Variants in RBFOX1 observed in about 807,000 individuals in gnomAD.
The protein encoded by RBFOX1 is RNA binding fox-1 homolog 1.
A neutral mutation model predicts 57.7 loss-of-function variants in RBFOX1; 8 were observed. That is an observed-to-expected ratio of 0.14 (90% CI 0.08 to 0.25). RBFOX1 has a LOEUF of 0.25. Ranked by LOEUF, RBFOX1 falls within the 10% of genes least tolerant of loss-of-function variation. The pLI is 1.00. For synonymous variants in RBFOX1, 326 were observed against 222.4 expected, an observed-to-expected ratio of 1.47 and a Z score of -4.15; for missense variants, 611 against 548.5, an observed-to-expected ratio of 1.11 and a Z score of -1.14.
intron 2 of RBFOX1, 142 bp from the exon 3 acceptor site, chr16:6,654,461 C>G (rs1342102511): frequency 3.1e-6 from 2 of 638,284 alleles, no homozygotes; most frequent in East Asian, 3.1e-5. Context: ...CTATAAAGAG[C>G]AATGACTCGA....
intron 2 of RBFOX1, among the ~76,000 whole-genome samples, chr16:5,550,328 T>G (rs1206765496): frequency 6.6e-6 from 1 of 152,156 alleles, no homozygotes; most frequent in Admixed American, 6.5e-5. Flanking sequence ...CATGTTTCCC[T>G]GTCTTACCCA....
At chr16:6,351,370 A>ATTTTT (rs1446484402) in intron 2 of RBFOX1, among the ~76,000 whole-genome samples, 10 of 100,540 alleles carry the variant, frequency 9.9e-5, no homozygotes, top group Admixed American at 2.2e-4. Flanking sequence ...ATATATATAT[A>ATTTTT]TATTTTTTTT....
chr16:6,414,705 A>G (rs1452519307), intron 2 of RBFOX1, among the ~76,000 whole-genome samples: 1 of 152,212 alleles, frequency 6.6e-6, no homozygotes, highest in Admixed American at 6.5e-5. Context: ...CCGGCCCTGT[A>G]CATATAATAC....
At chr16:5,489,560 A>G (rs1364689119) in intron 2 of RBFOX1, among the ~76,000 whole-genome samples, 2 of 152,080 alleles carry the variant, frequency 1.3e-5, no homozygotes, top group African/African-American at 4.8e-5. Context: ...TAAAATGGGG[A>G]CAATGGTGTC....
At chr16:6,530,744 A>T (rs1306237207) in intron 2 of RBFOX1, among the ~76,000 whole-genome samples, 2 of 40,358 alleles carry the variant, frequency 5.0e-5, no homozygotes, top group Non-Finnish European at 4.2e-4. Flanking sequence ...CCCTTTTATA[A>T]ACCGTCCCTT....
intron 4 of RBFOX1, among the ~76,000 whole-genome samples, chr16:7,270,891 C>G (rs931126147): frequency 1.3e-5 from 2 of 152,150 alleles, no homozygotes; most frequent in African/African-American, 2.4e-5. Context: ...AAAATCCTTT[C>G]TGTCATGGAG....
chr16:6,062,408 A>G (rs1222280767), intron 1 of RBFOX1, among the ~76,000 whole-genome samples: 2 of 152,066 alleles, frequency 1.3e-5, no homozygotes, highest in East Asian at 3.9e-4. Context: ...GGTCCCAGCC[A>G]TCAGTCATCT....
intron 2 of RBFOX1, among the ~76,000 whole-genome samples, chr16:5,529,682 T>C (rs1180402585): frequency 6.6e-6 from 1 of 151,948 alleles, no homozygotes; most frequent in African/African-American, 2.4e-5. Flanking sequence ...TTCTCCTGCC[T>C]CACCATCCCG....
intron 1 of RBFOX1, among the ~76,000 whole-genome samples, chr16:6,277,150 T>A (rs902558809): frequency 6.6e-6 from 1 of 152,198 alleles, no homozygotes; most frequent in African/African-American, 2.4e-5. Flanking sequence ...TAATGACTTA[T>A]AAATTGCATT....
At chr16:7,359,971 G>A (rs113332424) in intron 4 of RBFOX1, among the ~76,000 whole-genome samples, 4,382 of 145,984 alleles carry the variant, frequency 0.03, 136 homozygotes, top group African/African-American at 0.081. Context: ...GTGACAGAGC[G>A]AGACTCTGTC....
chr16:6,160,755 A>G (rs544351680), intron 1 of RBFOX1, among the ~76,000 whole-genome samples: 1 of 152,242 alleles, frequency 6.6e-6, no homozygotes, highest in African/African-American at 2.4e-5. Flanking sequence ...TCGTTCCTCT[A>G]GGAGCCATCC....
chr16:6,842,519 C>T (rs1444260829), intron 3 of RBFOX1, among the ~76,000 whole-genome samples: 1 of 152,048 alleles, frequency 6.6e-6, no homozygotes, highest in South Asian at 2.1e-4. Flanking sequence ...TTTTATCCTG[C>T]CCTTTTCAGC....
chr16:7,533,033 C>G (rs2080518977), intron 5 of RBFOX1, among the ~76,000 whole-genome samples: 1 of 152,282 alleles, frequency 6.6e-6, no homozygotes, highest in South Asian at 2.1e-4. Context: ...AAAAATCTAA[C>G]AAAACATGGC....
intron 4 of RBFOX1, among the ~76,000 whole-genome samples, chr16:7,364,085 T>G (rs753026419): frequency 1.3e-5 from 2 of 152,206 alleles, no homozygotes; most frequent in Admixed American, 6.5e-5. Context: ...AAAGCTCACA[T>G]CTTTTCAAAG....
chr16:6,535,366 T>C (rs1465512994), intron 2 of RBFOX1, among the ~76,000 whole-genome samples: 1 of 152,148 alleles, frequency 6.6e-6, no homozygotes, highest in East Asian at 1.9e-4. Flanking sequence ...TGTGGGATAA[T>C]TGTCATGGAC....
chr16:6,556,103 C>T (rs574975141), intron 2 of RBFOX1, among the ~76,000 whole-genome samples: 1 of 152,146 alleles, frequency 6.6e-6, no homozygotes, highest in Admixed American at 6.5e-5. Context: ...TTCTATTCCT[C>T]CAGAACTCAG....
chr16:7,111,852 A>G (rs2064848094), intron 4 of RBFOX1, among the ~76,000 whole-genome samples: 1 of 151,874 alleles, frequency 6.6e-6, no homozygotes, highest in Non-Finnish European at 1.5e-5. Flanking sequence ...GCTAACATCC[A>G]CTTGTATAAA....
chr16:5,571,966 C>G (rs2046299063), intron 2 of RBFOX1, among the ~76,000 whole-genome samples: 1 of 152,174 alleles, frequency 6.6e-6, no homozygotes, highest in African/African-American at 2.4e-5. Context: ...AGATAATGGA[C>G]CTTTTCTTAT....
At chr16:5,830,239 C>G (rs766070858) in intron 3 of RBFOX1, among the ~76,000 whole-genome samples, 2 of 152,120 alleles carry the variant, frequency 1.3e-5, no homozygotes. Flanking sequence ...AAAACCCTCC[C>G]TATCTAGTTG....
Sources: allele counts gnomAD v4.1 joint callset (sites outside exome capture counted in the v4.1 genomes callset), GRCh38; gene constraint gnomAD v4.1.1; transcripts MANE v1.5; gene names NCBI Gene and HGNC (gene_info 2026-07-23, HGNC 2026-07-21).